Variants in CACNA1I observed in about 807,000 individuals in gnomAD.
The protein encoded by CACNA1I is calcium voltage-gated channel subunit alpha1 I, also known as voltage-dependent T-type calcium channel subunit alpha-1I.
In CACNA1I, 74 loss-of-function variants were observed where a neutral mutation model predicts 201.6. The observed-to-expected ratio is 0.37, with a 90% CI of 0.30 to 0.45. The LOEUF is 0.45. CACNA1I is among the 20% of genes least tolerant of loss of function. The probability of loss-of-function intolerance (pLI) is 1.00; values close to 1 mark genes in which losing one functional copy is unlikely to be tolerated. For synonymous variants in CACNA1I, 1,431 were observed against 1,345.2 expected, an observed-to-expected ratio of 1.06 and a Z score of -1.40; for missense variants, 2,346 against 3,138.1, an observed-to-expected ratio of 0.75 and a Z score of 6.03.
chr22:39,620,065 ATCCACCCACCCACCTG>A (rs1388324146), intron 4 of CACNA1I, among the ~76,000 whole-genome samples: 9 of 94,498 alleles, frequency 9.5e-5, no homozygotes, highest in African/African-American at 2.7e-4. Flanking sequence ...CCACCCACCC[ATCCACCCACCCACCTG>A]TCCACCCACC....
At position 39,572,843 on chromosome 22, in the gene CACNA1I, G is replaced by A. The variant is rs886775395; in HGVS notation, c.236+1855G>A. Among the ~76,000 whole-genome samples the A allele has an allele frequency of 3.3e-5, 5 of 151,812 alleles. No individual in the cohort carries two copies. The East Asian group carries it at 5.8e-4, about 18-fold the overall frequency. On this transcript the variant is annotated intron_variant, in intron 1 of 36. Coordinates refer to ENST00000402142, the MANE Select transcript of CACNA1I (RefSeq NM_021096.4). The stretch of plus-strand genomic sequence containing the variant: ...GCGATCTCGGCTCACTGCAACCTCC[G>A]CCTCCCAGGTTCAAGCAATTCTCCT...
At chr22:39,595,457 C>A (rs2145821606) in intron 1 of CACNA1I, among the ~76,000 whole-genome samples, 1 of 151,988 alleles carries the variant, frequency 6.6e-6, no homozygotes, top group African/African-American at 2.4e-5. Flanking sequence ...AAACCCGTCT[C>A]TACTAAAAAT....
chr22:39,582,078 CA>C (rs1482273168), intron 1 of CACNA1I, among the ~76,000 whole-genome samples: 2 of 152,102 alleles, frequency 1.3e-5, no homozygotes, highest in East Asian at 3.9e-4. Context: ...GTGGACAGAG[CA>C]GGGGGTGCTG....
chr22:39,588,680 C>T (rs372781502), intron 1 of CACNA1I, among the ~76,000 whole-genome samples: 5 of 152,100 alleles, frequency 3.3e-5, no homozygotes, highest in East Asian at 1.9e-4. Flanking sequence ...CCACTGCGCC[C>T]GGCCTTCAAG....
chr22:39,668,487 C>G (rs767406955), intron 24 of CACNA1I, 106 bp downstream of exon 24: 4 of 697,614 alleles, frequency 5.7e-6, no homozygotes, highest in Non-Finnish European at 1.0e-5. Flanking sequence ...TTCCACAGCC[C>G]CAGTGTCTCC....
chr22:39,664,194 C>T (rs751954419), intron 20 of CACNA1I, 35 bp downstream of exon 20: 1 of 1,576,678 alleles, frequency 6.3e-7, no homozygotes, highest in Non-Finnish European at 8.7e-7. Context: ...CCCTGCTAGC[C>T]CCAGCTCGGG....
At chr22:39,682,393 G>GC in intron 34 of CACNA1I, 103 bp from the exon 35 acceptor site, 1 of 921,280 alleles carries the variant, frequency 1.1e-6, no homozygotes. Context: ...TAGACATGAG[G>GC]GTAGCCTAGT....
Position 39,598,274 on chromosome 22 carries a change from GCCC to G in CACNA1I, c.348+14_348+16del. The stretch of plus-strand genomic sequence containing the variant: ...GCAAGATCCTGCAGGTGAGCCGGCC[GCCC>G]CGCCCCGCCCCGCCCTGCCCTCATC... On this transcript the variant is annotated intron_variant, in intron 2 of 36. Coordinates refer to ENST00000402142, the MANE Select transcript of CACNA1I (RefSeq NM_021096.4). 7.6e-7 allele frequency: 1 copy of G among 1,311,222 alleles called. No homozygotes were observed. The highest frequency in any genetic ancestry group is 1.0e-6 in the Non-Finnish European group (1 of 971,816). 81.2% of individuals were successfully genotyped at this position (1,311,222 alleles called of 1,614,324 possible). A position where few individuals can be genotyped will look rare whatever the true frequency, so the allele number is the denominator to read the frequency against.
chr22:39,659,807 C>T lies in CACNA1I; in HGVS notation c.2559C>T (p.Leu853=), dbSNP rs1278549782. ...VALMTFGNYV[L]FNLLVAILVE... ...TCATGACCTTCGGCAACTATGTGCT[C>T]TTCAACCTGCTGGTGGCCATCCTGG... Residue 853 remains leucine, a synonymous_variant, in exon 14 of 37, where the codon CTC becomes CTT. Coordinates refer to ENST00000402142, the MANE Select transcript of CACNA1I (RefSeq NM_021096.4). This position sits in a 1 kb window ranked among gnomAD's most constrained non-coding sequence, Gnocchi z 4.3. 2 of 1,613,918 alleles carry T rather than the reference C, an allele frequency of 1.2e-6. No homozygotes were observed. Among genetic ancestry groups the T allele is most frequent in the Middle Eastern group, 1.6e-4 (1 of 6,062 alleles).
At position 39,684,772 on chromosome 22, in the gene CACNA1I, T is replaced by TGAGGG. The variant is rs1349278905; in HGVS notation, c.6027+284_6027+288dup. The stretch of plus-strand genomic sequence containing the variant: ...TGGAAGAGGCCTGTGATCCCTAGCT[T>TGAGGG]GAGGGGAGGGGAGGAGAGGAGGAGG... On this transcript the variant is annotated intron_variant, in intron 36 of 36. Coordinates refer to ENST00000402142, the MANE Select transcript of CACNA1I (RefSeq NM_021096.4). This position sits in a 1 kb window ranked among gnomAD's most constrained non-coding sequence, Gnocchi z 4.6. 8.5e-6 allele frequency: 5 copies of TGAGGG among 587,440 alleles called. No homozygotes were observed. The highest frequency in any genetic ancestry group is 3.0e-5 in the Admixed American group (1 of 33,376). 36.4% of individuals were successfully genotyped at this position (587,440 alleles called of 1,614,324 possible). A position where few individuals can be genotyped will look rare whatever the true frequency, so the allele number is the denominator to read the frequency against.
chr22:39,672,925 G>T (rs765088916), intron 27 of CACNA1I, 24 bp from the exon 28 acceptor site: 5 of 1,604,464 alleles, frequency 3.1e-6, no homozygotes, highest in Middle Eastern at 1.7e-4. Context: ...GCCCACTCCT[G>T]CCCTCCCATG....
intron 3 of CACNA1I, among the ~76,000 whole-genome samples, chr22:39,618,779 C>T (rs1933640717): frequency 6.6e-6 from 1 of 152,024 alleles, no homozygotes; most frequent in Non-Finnish European, 1.5e-5. Flanking sequence ...CTCCCAGTCG[C>T]CCTCAAATGA....
rs542987194 is a variant in CACNA1I, at chr22:39,636,909, G to A, written c.740+2185G>A. Among the ~76,000 whole-genome samples, 55 of 152,330 alleles carry A rather than the reference G, an allele frequency of 3.6e-4. 1 individual carries two copies. The South Asian group carries it at 0.011, about 30-fold the overall frequency. ...AAGGGCCCTTCCTGGGGCGTAACAC[G>A]CACAGGTGGGAGATGGGGCCACTGA... On this transcript the variant is annotated intron_variant, in intron 5 of 36. Transcript: ENST00000402142.
chr22:39,595,162 G>A (rs1316225361), intron 1 of CACNA1I, among the ~76,000 whole-genome samples: 1 of 151,870 alleles, frequency 6.6e-6, no homozygotes, highest in South Asian at 2.1e-4. Flanking sequence ...GGTGGCGGGC[G>A]CCTGTAGTCC....
chr22:39,624,191 G>A (rs891146562), intron 4 of CACNA1I, among the ~76,000 whole-genome samples: 1 of 151,952 alleles, frequency 6.6e-6, no homozygotes, highest in East Asian at 1.9e-4. Context: ...AAGAGCGTGC[G>A]TGCGCCTTGC....
rs576131631 is a variant in CACNA1I at position 39,653,295 on chromosome 22, G to A, written c.1992+3370G>A. On this transcript the variant is annotated intron_variant, in intron 10 of 36. Transcript: ENST00000402142. ...GGAGCCTCAAAAAATTAAAGTAAGA[G>A]GGGGAGGATGAGTCTCTGAAATGTC... 9.2e-5 allele frequency among the ~76,000 whole-genome samples: 14 copies of A among 152,270 alleles called. No homozygotes were observed. The East Asian group carries it at 2.5e-3, about 27-fold the overall frequency.
chr22:39,658,383 G>T, intron 11 of CACNA1I, 80 bp downstream of exon 11: 1 of 1,340,936 alleles, frequency 7.5e-7, no homozygotes, highest in Non-Finnish European at 1.0e-6. Flanking sequence ...GCATATAAAG[G>T]ACATAAGATG....
intron 1 of CACNA1I, among the ~76,000 whole-genome samples, chr22:39,592,606 C>T (rs1391460560): frequency 1.3e-5 from 2 of 152,216 alleles, no homozygotes; most frequent in Admixed American, 6.5e-5. Context: ...CTTCAAGCCT[C>T]GCTGTGAGAG....
intron 4 of CACNA1I, among the ~76,000 whole-genome samples, chr22:39,624,649 C>T (rs1353325403): frequency 6.6e-6 from 1 of 152,156 alleles, no homozygotes; most frequent in African/African-American, 2.4e-5. Flanking sequence ...TGTTGGAGCA[C>T]GTGGGGCTTA....
Sources: gnomAD v4.1 joint callset for allele counts (sites outside exome capture counted in the v4.1 genomes callset) on GRCh38, gnomAD v4.1.1 for gene constraint, Gnocchi (gnomAD v3.1) non-coding constraint, MANE v1.5 for transcripts, NCBI Gene and HGNC (gene_info 2026-07-23, HGNC 2026-07-21) for gene names.